The following TCN2 variants were observed in gnomAD, a reference collection of about 807,000 sequenced individuals.
TCN2 encodes the protein transcobalamin 2.
In TCN2, 34 loss-of-function variants were observed where a neutral mutation model predicts 48.6. The observed-to-expected ratio is 0.70, with a 90% CI of 0.53 to 0.93. The LOEUF is 0.93. Ranked by LOEUF, TCN2 falls within the 40% of genes least tolerant of loss-of-function variation. The probability of loss-of-function intolerance (pLI) is 0.00; values close to 1 mark genes in which losing one functional copy is unlikely to be tolerated. For synonymous variants in TCN2, 283 were observed against 212.5 expected (o/e 1.33, Z -2.89); for missense variants, 652 against 526.1 (o/e 1.24, Z -2.34).
intron 2 of TCN2, among the ~76,000 whole-genome samples, chr22:30,611,917 C>T (rs1489316582): frequency 6.6e-6 from 1 of 151,770 alleles, no homozygotes; most frequent in Admixed American, 6.6e-5. Flanking sequence ...TCTCAGACTC[C>T]CTCTTGAGAA....
rs1602043898 is a variant in TCN2, at chr22:30,611,183, A to G, written c.257+120A>G. On this transcript the variant is annotated intron_variant, in intron 2 of 8. Transcript: ENST00000215838. ...GACCTTAGGCAAATTTTCTCCATCT[A>G]TAGAATGGAGGACCTTTGTCCATCT... is the stretch of plus-strand genomic sequence containing the variant. 3 of 1,224,584 alleles carry G rather than the reference A, an allele frequency of 2.4e-6. No individual in the cohort carries two copies. The East Asian group carries it at 7.2e-5, about 29-fold the overall frequency. 75.9% of individuals were successfully genotyped at this position (1,224,584 alleles called of 1,614,324 possible).
chr22:30,622,294 A>G (rs962384942), intron 7 of TCN2, among the ~76,000 whole-genome samples: 1 of 152,218 alleles, frequency 6.6e-6, no homozygotes, highest in Non-Finnish European at 1.5e-5. Context: ...GCCCAGGCCC[A>G]CGGAGTTTTA....
intron 7 of TCN2, among the ~76,000 whole-genome samples, chr22:30,618,800 C>T (rs932837111): frequency 3.3e-5 from 5 of 152,002 alleles, no homozygotes. Context: ...GATGGAGTCT[C>T]CCTCTGTCGC....
At chr22:30,624,437 A>C (rs2087772856) in intron 8 of TCN2, among the ~76,000 whole-genome samples, 1 of 151,908 alleles carries the variant, frequency 6.6e-6, no homozygotes, top group South Asian at 2.1e-4. Flanking sequence ...TTGATACTCC[A>C]CCCCTGAAGA....
chr22:30,624,215 C>T (rs944247348), intron 8 of TCN2, among the ~76,000 whole-genome samples: 5 of 151,616 alleles, frequency 3.3e-5, no homozygotes, highest in Non-Finnish European at 7.4e-5. Flanking sequence ...GCTGGGATTA[C>T]AGGTGTGTGC....
chr22:30,623,988 A>ATG (rs2087760893), intron 8 of TCN2, among the ~76,000 whole-genome samples: 1 of 124,860 alleles, frequency 8.0e-6, no homozygotes, highest in Non-Finnish European at 1.6e-5. Flanking sequence ...ATGTATACAT[A>ATG]TATACACACA....
Position 30,607,185 on chromosome 22 carries a change from C to A in TCN2, c.-147C>A. ...CGCCCCACCCCTCTGCAGACTTAGC[C>A]GTGCATTGCAGGCATGGAGGATTAA... is the stretch of plus-strand genomic sequence containing the variant. On this transcript the variant is annotated 5_prime_UTR_variant, in exon 1 of 9. Transcript: ENST00000215838. The A allele has an allele frequency of 4.5e-6, 4 of 884,782 alleles. No homozygotes were observed. Among genetic ancestry groups the A allele is most frequent in the South Asian group, 4.1e-5 (3 of 73,112 alleles). 54.8% of individuals were successfully genotyped at this position (884,782 alleles called of 1,614,324 possible). A position where few individuals can be genotyped will look rare whatever the true frequency, so the allele number is the denominator to read the frequency against.
intron 1 of TCN2, among the ~76,000 whole-genome samples, chr22:30,608,945 T>C (rs565808838): frequency 6.6e-6 from 1 of 152,286 alleles, no homozygotes; most frequent in African/African-American, 2.4e-5. Flanking sequence ...ATATCTGCAC[T>C]GAGTCACTTA....
intron 8 of TCN2, among the ~76,000 whole-genome samples, chr22:30,625,264 G>A (rs1439094400): frequency 1.3e-5 from 2 of 152,122 alleles, no homozygotes; most frequent in South Asian, 2.1e-4. Flanking sequence ...CAGTTCTGGA[G>A]GTTGGGTGGG....
chr22:30,614,225 G>A, intron 3 of TCN2, 124 bp from the exon 4 acceptor site: 1 of 1,293,276 alleles, frequency 7.7e-7, no homozygotes, highest in Non-Finnish European at 1.1e-6. Context: ...AGGCAATGAA[G>A]GAATGAAGGA....
At chr22:30,609,994 A>T (rs894292282) in intron 1 of TCN2, among the ~76,000 whole-genome samples, 1 of 152,210 alleles carries the variant, frequency 6.6e-6, no homozygotes, top group African/African-American at 2.4e-5. Flanking sequence ...CCCAGCAGCA[A>T]CTGGGAGGCA....
At chr22:30,623,150 C>T (rs2087723012) in intron 8 of TCN2, 67 bp downstream of exon 8, 2 of 1,518,138 alleles carry the variant, frequency 1.3e-6, no homozygotes, top group African/African-American at 1.4e-5. Flanking sequence ...GAGGCTTCAT[C>T]AACTCACCCC....
Position 30,615,422 on chromosome 22 carries a change from G to A in TCN2, c.702G>A (p.Gln234=), listed in dbSNP as rs759757093. ...RTVREEILKA[Q]TPEGHFGNVY... ...TGCGAGAGGAGATCTTGAAGGCCCA[G>A]ACCCCCGAGGGCCACTTTGGGAATG... Residue 234 remains glutamine (Q), a synonymous_variant, in exon 5 of 9, where the codon CAG becomes CAA. Coordinates refer to ENST00000215838, the MANE Select transcript of TCN2 (RefSeq NM_000355.4). 3 of 1,614,188 alleles carry A rather than the reference G, an allele frequency of 1.9e-6. No homozygotes were observed. The highest frequency in any genetic ancestry group is 2.5e-6 in the Non-Finnish European group (3 of 1,180,048).
intron 7 of TCN2, 96 bp downstream of exon 7, chr22:30,617,591 C>T (rs1005570603): frequency 1.8e-5 from 27 of 1,521,322 alleles, no homozygotes; most frequent in Non-Finnish European, 2.1e-5. Context: ...AGGGTTCCCT[C>T]GGGAGAGACA....
intron 4 of TCN2, among the ~76,000 whole-genome samples, 184 bp from the exon 5 acceptor site, chr22:30,615,117 A>G (rs562845690): frequency 1.3e-5 from 2 of 152,278 alleles, no homozygotes; most frequent in Non-Finnish European, 2.9e-5. Context: ...TTCAGAGTCC[A>G]GACAAGGAAA....
Position 30,607,326 on chromosome 22 carries a change from G to A in TCN2, c.-6G>A, listed in dbSNP as rs771507572. ...CTTGCTCACTGCTCACCCACCTGCTGCTGCCATGAGGCACCTTGGGGCCTT... is the reference window on the plus strand; with the variant it reads ...CTTGCTCACTGCTCACCCACCTGCTACTGCCATGAGGCACCTTGGGGCCTT... On this transcript the variant is annotated 5_prime_UTR_variant, in exon 1 of 9. Transcript: ENST00000215838. 7 of 1,614,176 alleles carry A rather than the reference G, an allele frequency of 4.3e-6. No individual in the cohort carries two copies. The highest frequency in any genetic ancestry group is 5.9e-6 in the Non-Finnish European group (7 of 1,180,036).
intron 1 of TCN2, among the ~76,000 whole-genome samples, chr22:30,607,880 TA>T (rs979494115): frequency 1.3e-5 from 2 of 151,784 alleles, no homozygotes. Context: ...TAAAAAAAAT[TA>T]AAAAATAGCT....
chr22:30,612,654 C>T (rs1397345919), intron 2 of TCN2, among the ~76,000 whole-genome samples: 1 of 152,122 alleles, frequency 6.6e-6, no homozygotes, highest in Non-Finnish European at 1.5e-5. Context: ...GACACAGGAG[C>T]CCTTGGAGTT....
intron 8 of TCN2, 54 bp downstream of exon 8, chr22:30,623,137 C>T: frequency 6.3e-7 from 1 of 1,583,042 alleles, no homozygotes; most frequent in Non-Finnish European, 8.7e-7. Context: ...CTTACTCAGC[C>T]AAGAGGCTTC....
Sources: allele counts gnomAD v4.1 joint callset (sites outside exome capture counted in the v4.1 genomes callset), GRCh38; gene constraint gnomAD v4.1.1; transcripts MANE v1.5; gene names NCBI Gene and HGNC (gene_info 2026-07-23, HGNC 2026-07-21).